Variants in UNC5C observed in about 807,000 individuals in gnomAD.
UNC5C encodes netrin receptor UNC5C.
In UNC5C, 47 loss-of-function variants were observed where a neutral mutation model predicts 99.8. That is an observed-to-expected ratio of 0.47 (90% confidence interval 0.37 to 0.60). UNC5C has a LOEUF of 0.60. UNC5C is among the 20% of genes least tolerant of loss of function. The probability of loss-of-function intolerance (pLI) is 0.00; values close to 1 mark genes in which losing one functional copy is unlikely to be tolerated. For synonymous variants in UNC5C, 487 were observed against 452.2 expected (o/e 1.08, Z -0.98); for missense variants, 1,062 against 1,165.9 (o/e 0.91, Z 1.30).
chr4:95,460,381 G>A (rs533348655), intron 1 of UNC5C, among the ~76,000 whole-genome samples: 2 of 152,214 alleles, frequency 1.3e-5, no homozygotes, highest in Non-Finnish European at 2.9e-5. Flanking sequence ...ACACAGTGAT[G>A]TGGTTTGGCT....
intron 3 of UNC5C, among the ~76,000 whole-genome samples, chr4:95,285,325 A>C (rs1227243811): frequency 1.3e-5 from 2 of 152,198 alleles, no homozygotes; most frequent in African/African-American, 4.8e-5. Flanking sequence ...GGAAATCTAA[A>C]TCCTTAAATT....
chr4:95,247,779 T>C (rs969014432), intron 5 of UNC5C, among the ~76,000 whole-genome samples: 25 of 152,228 alleles, frequency 1.6e-4, no homozygotes, highest in South Asian at 4.1e-4. Flanking sequence ...GAAAGCATAA[T>C]ATACATAGGA....
chr4:95,179,194 C>G (rs758599034), intron 14 of UNC5C, among the ~76,000 whole-genome samples: 10 of 152,122 alleles, frequency 6.6e-5, no homozygotes, highest in Admixed American at 3.3e-4. Flanking sequence ...ACTTTCTATT[C>G]TGATATTTGG....
chr4:95,219,183 C>T lies in UNC5C; in HGVS notation c.1431G>A (p.Leu477=). Reference sequence around the variant, plus strand: ...CTGAGGTGTTGTACACTTTGATTTTCAGGTTGGGCAGTGGATCCAGAATTG... The same window carrying T: ...CTGAGGTGTTGTACACTTTGATTTTTAGGTTGGGCAGTGGATCCAGAATTG... ...NSPILDPLPN[L]KIKVYNTSGA... The change falls in exon 9 of 16, where the codon CTG becomes CTA. Residue 477 remains leucine, a synonymous_variant. Transcript: ENST00000453304. The T allele has an allele frequency of 6.2e-7, 1 of 1,614,104 alleles. No homozygotes were observed. The highest frequency in any genetic ancestry group is 8.5e-7 in the Non-Finnish European group (1 of 1,180,006).
rs1196541187 is a variant in UNC5C, at chr4:95,202,860, C to G, written c.2007G>C (p.Leu669=). Residue 669 remains leucine (L), a synonymous_variant, in exon 12 of 16, where the codon CTG becomes CTC. Coordinates refer to ENST00000453304, the MANE Select transcript of UNC5C (RefSeq NM_003728.4). ...ILTENLSTYA[L]VGHSTTKAAA... The stretch of plus-strand genomic sequence containing the variant: ...CCGCTTTGGTGGTGGAATGTCCTAC[C>G]AGGGCGTAGGTGCTGAGGTTCTCTG... The G allele has an allele frequency of 1.2e-5, 20 of 1,614,108 alleles. No homozygotes were observed. The highest frequency in any genetic ancestry group is 1.6e-4 in the Middle Eastern group (1 of 6,084).
At chr4:95,296,358 G>T (rs1167137100) in intron 3 of UNC5C, among the ~76,000 whole-genome samples, 1 of 152,130 alleles carries the variant, frequency 6.6e-6, no homozygotes, top group Non-Finnish European at 1.5e-5. Flanking sequence ...GATAAATAAT[G>T]TTGACCTAGA....
At chr4:95,173,661 T>A (rs1428617054) in intron 14 of UNC5C, among the ~76,000 whole-genome samples, 1 of 150,774 alleles carries the variant, frequency 6.6e-6, no homozygotes, top group Non-Finnish European at 1.5e-5. Context: ...TATTGAGGAT[T>A]TTTGCATCAA....
intron 2 of UNC5C, among the ~76,000 whole-genome samples, chr4:95,333,995 C>A (rs1004792904): frequency 6.6e-6 from 1 of 151,908 alleles, no homozygotes; most frequent in African/African-American, 2.4e-5. Flanking sequence ...AGTAAGCTAC[C>A]CTATAATTGG....
chr4:95,341,296 C>A (rs1235487907), intron 1 of UNC5C, among the ~76,000 whole-genome samples: 2 of 152,068 alleles, frequency 1.3e-5, no homozygotes, highest in Admixed American at 6.6e-5. Flanking sequence ...TGACCACCAA[C>A]TGAGGAATGG....
intron 10 of UNC5C, 80 bp from the exon 11 acceptor site, chr4:95,206,876 A>C: frequency 1.8e-6 from 2 of 1,116,770 alleles, no homozygotes; most frequent in Non-Finnish European, 2.4e-6. Flanking sequence ...GAAGGCAAAC[A>C]GGTCAAGTAG....
intron 1 of UNC5C, among the ~76,000 whole-genome samples, chr4:95,348,362 C>CA (rs986012169): frequency 6.6e-6 from 1 of 151,348 alleles, no homozygotes; most frequent in African/African-American, 2.4e-5. Flanking sequence ...GGAGGTTCCC[C>CA]AAAAAACTAA....
chr4:95,176,293 C>T (rs1489096417), intron 14 of UNC5C, among the ~76,000 whole-genome samples: 18 of 151,776 alleles, frequency 1.2e-4, no homozygotes, highest in Non-Finnish European at 1.3e-4. Context: ...TGAGGAACTG[C>T]GTTCCTTTGG....
chr4:95,244,672 CAA>C (rs745849846), intron 6 of UNC5C, among the ~76,000 whole-genome samples: 7 of 152,170 alleles, frequency 4.6e-5, no homozygotes, highest in Non-Finnish European at 8.8e-5. Flanking sequence ...CAGTGCCATT[CAA>C]ATCCTTTGAA....
intron 4 of UNC5C, among the ~76,000 whole-genome samples, chr4:95,277,508 A>G (rs1740905840): frequency 6.6e-6 from 1 of 152,248 alleles, no homozygotes. Flanking sequence ...TGAAAGACAC[A>G]GTATTAGTTT....
intron 1 of UNC5C, among the ~76,000 whole-genome samples, chr4:95,354,481 T>TATATA (rs1274789806): frequency 2.0e-5 from 2 of 99,724 alleles, no homozygotes; most frequent in African/African-American, 8.8e-5. Context: ...ATATATATAT[T>TATATA]TTTTTTTTTT....
intron 1 of UNC5C, among the ~76,000 whole-genome samples, chr4:95,339,154 A>G (rs1743460589): frequency 6.6e-6 from 1 of 152,080 alleles, no homozygotes; most frequent in African/African-American, 2.4e-5. Context: ...AGGAAAACAC[A>G]ATTGTTCAGA....
At chr4:95,342,653 G>A (rs1236180887) in intron 1 of UNC5C, among the ~76,000 whole-genome samples, 7 of 151,700 alleles carry the variant, frequency 4.6e-5, no homozygotes, top group Non-Finnish European at 1.0e-4. Context: ...GGAGGGAAGA[G>A]TAAAAGGGAG....
chr4:95,247,843 C>T (rs1739557967), intron 5 of UNC5C: 1 of 152,240 alleles, frequency 6.6e-6, no homozygotes, highest in South Asian at 2.1e-4. Context: ...TATAGTCTGC[C>T]TTCATTAGTT....
intron 1 of UNC5C, among the ~76,000 whole-genome samples, chr4:95,499,769 A>G (rs1039001563): frequency 2.6e-5 from 4 of 152,086 alleles, no homozygotes; most frequent in Non-Finnish European, 5.9e-5. Context: ...GTAAGTTTAC[A>G]TTGATGTCCG....
Sources: gnomAD v4.1 joint callset for allele counts (sites outside exome capture counted in the v4.1 genomes callset) on GRCh38, gnomAD v4.1.1 for gene constraint, MANE v1.5 for transcripts, NCBI Gene and HGNC (gene_info 2026-07-23, HGNC 2026-07-21) for gene names.